PABPC4L: variants seen among roughly 807,000 people sequenced by gnomAD.
PABPC4L encodes the protein polyadenylate-binding protein 4-like.
For missense variants in PABPC4L, 452 were observed against 451.4 expected, an observed-to-expected ratio of 1.00 and a Z score of -0.01; for synonymous variants, 169 against 164.1, an observed-to-expected ratio of 1.03 and a Z score of -0.23.
the PABPC4L span, among the ~76,000 whole-genome samples, chr4:134,150,537 T>C: frequency 3.7e-3 from 570 of 152,298 alleles, 2 homozygotes; most frequent in African/African-American, 0.013. Flanking sequence ...TGATAGAGAA[T>C]GCAAATTTCA....
the PABPC4L span, among the ~76,000 whole-genome samples, chr4:134,188,197 A>T: frequency 1.3e-5 from 2 of 152,018 alleles, no homozygotes; most frequent in Non-Finnish European, 2.9e-5. Flanking sequence ...AAAAAACAAC[A>T]ACAACACTAC....
At chr4:134,041,964 T>C in the PABPC4L span, among the ~76,000 whole-genome samples, 1 of 152,134 alleles carries the variant, frequency 6.6e-6, no homozygotes, top group Admixed American at 6.6e-5. Flanking sequence ...GACATCTGCA[T>C]GTGTATATTG....
the PABPC4L span, among the ~76,000 whole-genome samples, chr4:134,114,765 T>G: frequency 6.6e-6 from 1 of 151,884 alleles, no homozygotes; most frequent in Non-Finnish European, 1.5e-5. Flanking sequence ...TCAGAGCACG[T>G]TAAAAAATTT....
chr4:134,136,618 A>C, the PABPC4L span, among the ~76,000 whole-genome samples: 1 of 151,784 alleles, frequency 6.6e-6, no homozygotes. Flanking sequence ...GTTTTTCTTC[A>C]TTTTAAGAAA....
At chr4:133,977,952 G>C in the PABPC4L span, 1 of 152,078 alleles carries the variant, frequency 6.6e-6, no homozygotes, top group Non-Finnish European at 1.5e-5. Flanking sequence ...GGGTAGAAAG[G>C]CATAAACACT....
At chr4:134,052,137 T>C in the PABPC4L span, among the ~76,000 whole-genome samples, 1 of 152,046 alleles carries the variant, frequency 6.6e-6, no homozygotes, top group African/African-American at 2.4e-5. Context: ...CCTAGAGACA[T>C]TGGATCCAGA....
Position 134,199,786 on chromosome 4 carries a change from G to GT in PABPC4L, c.*120dup, listed in dbSNP as rs1729785287. On this transcript the variant is annotated 3_prime_UTR_variant, in exon 2 of 2. Transcript: ENST00000421491. ...TGTATAAAAAACGTTTTATCATAAA[G>GT]TTTACTAAACTAAGCACCCATCATG... 7.8e-7 allele frequency: 1 copy of GT among 1,289,046 alleles called. No homozygotes were observed. The highest frequency in any genetic ancestry group is 1.5e-5 in the African/African-American group (1 of 65,564). 79.9% of individuals were successfully genotyped at this position (1,289,046 alleles called of 1,614,324 possible).
chr4:133,986,455 A>AT, the PABPC4L span, among the ~76,000 whole-genome samples: 1 of 151,914 alleles, frequency 6.6e-6, no homozygotes, highest in African/African-American at 2.4e-5. Flanking sequence ...ATTTGTTTGC[A>AT]TTTTTTTCCC....
chr4:134,201,569 A>C (rs2125711043), intron 1 of PABPC4L, 149 bp downstream of exon 1: 1 of 209,048 alleles, frequency 4.8e-6, no homozygotes, highest in Non-Finnish European at 9.6e-6. Flanking sequence ...GACGCGGGCC[A>C]AGGGCGTCCT....
the PABPC4L span, among the ~76,000 whole-genome samples, chr4:134,002,438 T>C: frequency 3.3e-5 from 5 of 151,982 alleles, no homozygotes; most frequent in African/African-American, 1.2e-4. Flanking sequence ...AAATGAATGC[T>C]AATACAAGAT....
chr4:134,000,656 G>A, the PABPC4L span, among the ~76,000 whole-genome samples: 1 of 152,046 alleles, frequency 6.6e-6, no homozygotes, highest in Non-Finnish European at 1.5e-5. Flanking sequence ...TTGAATTGGC[G>A]ACTGAGTACA....
the PABPC4L span, among the ~76,000 whole-genome samples, chr4:134,175,967 G>A: frequency 1.6e-4 from 24 of 152,210 alleles, no homozygotes; most frequent in Admixed American, 4.6e-4. Context: ...TTCCTGAAAA[G>A]AATATAAAGC....
chr4:134,186,709 A>C, the PABPC4L span, among the ~76,000 whole-genome samples: 1 of 152,156 alleles, frequency 6.6e-6, no homozygotes, highest in Non-Finnish European at 1.5e-5. Context: ...AATTAAACTA[A>C]AGAGCTTCTG....
chr4:134,200,293 C>T lies in PABPC4L; in HGVS notation c.727G>A (p.Ala243Thr). ...GFVSFDSHEAAKKAVEEMNGR... is the reference protein window; with the variant it reads ...GFVSFDSHEATKKAVEEMNGR... ...TTCATTTCTTCAACAGCTTTCTTGG[C>T]AGCCTCATGGCTATCAAAACTCACA... The change falls in exon 2 of 2, where the codon GCC (alanine) becomes ACC (threonine). Residue 243 changes from alanine to threonine, a missense_variant. Coordinates refer to ENST00000421491, the MANE Select transcript of PABPC4L (RefSeq NM_001114734.2). The T allele has an allele frequency of 6.3e-7, 1 of 1,577,890 alleles. No homozygotes were observed. Among genetic ancestry groups the T allele is most frequent in the South Asian group, 1.2e-5 (1 of 86,138 alleles).
the PABPC4L span, among the ~76,000 whole-genome samples, chr4:133,981,227 T>C: frequency 6.6e-6 from 1 of 152,178 alleles, no homozygotes; most frequent in African/African-American, 2.4e-5. Context: ...AACTTTTATG[T>C]CATTGGTTTA....
chr4:134,178,938 G>C, the PABPC4L span, among the ~76,000 whole-genome samples: 2 of 152,072 alleles, frequency 1.3e-5, no homozygotes, highest in East Asian at 3.9e-4. Flanking sequence ...ATCCCTGAGA[G>C]AGAGGAAGAG....
the PABPC4L span, among the ~76,000 whole-genome samples, chr4:134,153,320 G>T: frequency 1.3e-5 from 2 of 151,598 alleles, no homozygotes; most frequent in Non-Finnish European, 2.9e-5. Flanking sequence ...TTAATGCTTG[G>T]ATATAATGTT....
At chr4:134,070,249 C>T in the PABPC4L span, among the ~76,000 whole-genome samples, 1 of 151,964 alleles carries the variant, frequency 6.6e-6, no homozygotes. Context: ...GTGGTGCCAG[C>T]CAGAGTGGTT....
At position 134,201,105 on chromosome 4, in the gene PABPC4L, G is replaced by T; in HGVS notation, c.-86C>A. The stretch of plus-strand genomic sequence containing the variant: ...GGATACTAGGTCACAGCTTTGGCCC[G>T]GTTCAAGTGTGGAGGCCTCGGGATC... On this transcript the variant is annotated 5_prime_UTR_variant, in exon 2 of 2. Transcript: ENST00000421491. 1.9e-6 allele frequency: 3 copies of T among 1,550,704 alleles called. No individual in the cohort carries two copies. Among genetic ancestry groups the T allele is most frequent in the South Asian group, 1.2e-5 (1 of 83,462 alleles).
Sources: allele counts gnomAD v4.1 joint callset (sites outside exome capture counted in the v4.1 genomes callset), GRCh38; gene constraint gnomAD v4.1.1; transcripts MANE v1.5; gene names NCBI Gene and HGNC (gene_info 2026-07-23, HGNC 2026-07-21).